ARL6IP6: variants seen among roughly 807,000 people sequenced by gnomAD.
ARL6IP6 encodes the protein ARF like GTPase 6 interacting protein 6.
ARL6IP6 carries 22 observed loss-of-function variants against 21.5 expected under a neutral mutation model. The ratio of observed to expected loss-of-function variants is 1.02; its 90% CI spans 0.73 to 1.46. ARL6IP6 has a LOEUF of 1.46. ARL6IP6 is among the 40% of genes most tolerant of loss of function. ARL6IP6 has a pLI of 0.00. For synonymous variants in ARL6IP6, 164 were observed against 125.3 expected, an observed-to-expected ratio of 1.31 and a Z score of -2.06; for missense variants, 388 against 299.8, an observed-to-expected ratio of 1.29 and a Z score of -2.17.
chr2:152,730,805 A>G (rs1700274119), intron 2 of ARL6IP6, among the ~76,000 whole-genome samples: 1 of 152,170 alleles, frequency 6.6e-6, no homozygotes, highest in African/African-American at 2.4e-5. Flanking sequence ...AGGCATCTGC[A>G]GGCTTGGCTC....
intron 2 of ARL6IP6, among the ~76,000 whole-genome samples, chr2:152,729,366 A>T (rs986469770): frequency 6.9e-5 from 10 of 145,400 alleles, no homozygotes; most frequent in African/African-American, 2.8e-4. Context: ...GTGTGTACAC[A>T]CATATATGCA....
intron 3 of ARL6IP6, among the ~76,000 whole-genome samples, chr2:152,736,016 C>T (rs937077281): frequency 5.3e-5 from 8 of 151,802 alleles, no homozygotes; most frequent in South Asian, 2.1e-4. Flanking sequence ...AATTTTGGCT[C>T]GACTTCAAAT....
rs956384101 is a variant in ARL6IP6 at position 152,761,171 on chromosome 2, A to G, written c.*1331A>G. 2.6e-5 allele frequency: 4 copies of G among 152,202 alleles called. No individual in the cohort carries two copies. Among genetic ancestry groups the G allele is most frequent in the Non-Finnish European group, 5.9e-5 (4 of 68,030 alleles). 9.4% of individuals were successfully genotyped at this position (152,202 alleles called of 1,614,324 possible). A position where few individuals can be genotyped will look rare whatever the true frequency, so the allele number is the denominator to read the frequency against. ...TGTTACCGACTAAACAAGGTTTCTA[A>G]AAGTCTCGCATTTCTTTTACTATTC... On this transcript the variant is annotated 3_prime_UTR_variant, in exon 4 of 4. Coordinates refer to ENST00000326446, the MANE Select transcript of ARL6IP6 (RefSeq NM_152522.7).
At chr2:152,724,130 G>T (rs200686105) in intron 2 of ARL6IP6, among the ~76,000 whole-genome samples, 1 of 97,412 alleles carries the variant, frequency 1.0e-5, no homozygotes, top group African/African-American at 2.8e-5. Context: ...AAAAAAAAGA[G>T]AGAAAGCCAA....
At chr2:152,736,460 C>T (rs1246588261) in intron 3 of ARL6IP6, among the ~76,000 whole-genome samples, 1 of 152,202 alleles carries the variant, frequency 6.6e-6, no homozygotes, top group Non-Finnish European at 1.5e-5. Context: ...TCAATATCCA[C>T]CCATTTCACT....
chr2:152,730,778 T>C (rs1175392274), intron 2 of ARL6IP6, among the ~76,000 whole-genome samples: 2 of 152,160 alleles, frequency 1.3e-5, no homozygotes, highest in South Asian at 4.1e-4. Flanking sequence ...GGTGTTTCTA[T>C]GCCAGGCTTA....
intron 2 of ARL6IP6, 145 bp from the exon 3 acceptor site, chr2:152,734,849 G>T (rs1163750288): frequency 1.3e-6 from 1 of 787,626 alleles, no homozygotes; most frequent in African/African-American, 1.7e-5. Flanking sequence ...AAGTTAGCTT[G>T]CAATAAGTTC....
At chr2:152,757,226 C>G (rs1369902757) in intron 3 of ARL6IP6, among the ~76,000 whole-genome samples, 1 of 152,124 alleles carries the variant, frequency 6.6e-6, no homozygotes, top group African/African-American at 2.4e-5. Context: ...ACCTCAAGAT[C>G]TGCAGGAGGT....
At chr2:152,743,780 T>G (rs1323135111) in intron 3 of ARL6IP6, among the ~76,000 whole-genome samples, 1 of 152,208 alleles carries the variant, frequency 6.6e-6, no homozygotes, top group Admixed American at 6.5e-5. Flanking sequence ...ATTGCAAGCT[T>G]ATGCTGATCA....
chr2:152,718,537 G>A (rs1056592974), upstream of ARL6IP6: 7 of 1,478,838 alleles, frequency 4.7e-6, no homozygotes, highest in Non-Finnish European at 5.4e-6. Context: ...TGGTGGTAGC[G>A]GCCACTGCCG....
intron 3 of ARL6IP6, among the ~76,000 whole-genome samples, chr2:152,759,284 T>TC (rs2105199147): frequency 6.6e-6 from 1 of 151,486 alleles, no homozygotes; most frequent in African/African-American, 2.4e-5. Context: ...CATAGGGAGT[T>TC]CCTTCATATA....
Position 152,720,513 on chromosome 2 carries a change from G to A in ARL6IP6, c.401-20G>A, listed in dbSNP as rs1699736528. The A allele has an allele frequency of 1.1e-5, 17 of 1,610,608 alleles. No individual in the cohort carries two copies. The highest frequency in any genetic ancestry group is 1.4e-5 in the Non-Finnish European group (17 of 1,176,952). On this transcript the variant is annotated intron_variant, in intron 1 of 3. Coordinates refer to ENST00000326446, the MANE Select transcript of ARL6IP6 (RefSeq NM_152522.7). The stretch of plus-strand genomic sequence containing the variant: ...ATTATAGTATTGCTTTCCTACCTAA[G>A]TCCCTCTTTGTATTTGCAGAGTTGC...
intron 2 of ARL6IP6, among the ~76,000 whole-genome samples, chr2:152,732,974 A>G (rs1373608447): frequency 6.6e-6 from 1 of 152,038 alleles, no homozygotes; most frequent in South Asian, 2.1e-4. Flanking sequence ...CTGACTGTAT[A>G]TAGTTGAAAT....
At chr2:152,721,758 G>A (rs551668150) in intron 2 of ARL6IP6, among the ~76,000 whole-genome samples, 21 of 152,234 alleles carry the variant, frequency 1.4e-4, no homozygotes, top group African/African-American at 4.6e-4. Context: ...TCACCCTTAT[G>A]GTGACACTAA....
At chr2:152,742,993 A>G (rs1433160744) in intron 3 of ARL6IP6, among the ~76,000 whole-genome samples, 1 of 152,220 alleles carries the variant, frequency 6.6e-6, no homozygotes, top group Non-Finnish European at 1.5e-5. Flanking sequence ...ATTCATCATC[A>G]ATAGGAGGAA....
Position 152,761,695 on chromosome 2 carries a change from T to TA in ARL6IP6, c.*1856dup, listed in dbSNP as rs1258660208. ...GATACACAAATATTTACCATTGTGTTACAGTTGCCTGCAATATTCAGTACA... is the reference window on the plus strand; with the variant it reads ...GATACACAAATATTTACCATTGTGTTAACAGTTGCCTGCAATATTCAGTACA... On this transcript the variant is annotated 3_prime_UTR_variant, in exon 4 of 4. Transcript: ENST00000326446. Among the ~76,000 whole-genome samples the TA allele has an allele frequency of 2.6e-5, 4 of 152,200 alleles. No individual in the cohort carries two copies. Among genetic ancestry groups the TA allele is most frequent in the African/African-American group, 9.6e-5 (4 of 41,460 alleles).
At chr2:152,754,398 A>C (rs1053885104) in intron 3 of ARL6IP6, among the ~76,000 whole-genome samples, 1 of 152,174 alleles carries the variant, frequency 6.6e-6, no homozygotes, top group African/African-American at 2.4e-5. Context: ...GGCATATGTC[A>C]GTACTTCATT....
At position 152,761,503 on chromosome 2, in the gene ARL6IP6, A is replaced by G. The variant is rs1701843081; in HGVS notation, c.*1663A>G. On this transcript the variant is annotated 3_prime_UTR_variant, in exon 4 of 4. Transcript: ENST00000326446. ...AACTCCCTCCAGATTGTTTGTGTCT[A>G]ATGACTAGGAAAGTTATTAACAGTA... is the stretch of plus-strand genomic sequence containing the variant. Among the ~76,000 whole-genome samples the G allele has an allele frequency of 1.3e-5, 2 of 152,170 alleles. No homozygotes were observed. The highest frequency in any genetic ancestry group is 1.3e-4 in the Admixed American group (2 of 15,262).
At chr2:152,753,699 C>CT (rs138584533) in intron 3 of ARL6IP6, among the ~76,000 whole-genome samples, 34 of 107,350 alleles carry the variant, frequency 3.2e-4, no homozygotes, top group African/African-American at 9.4e-4. Context: ...TTCAGGTCCT[C>CT]TTTTTTTTTT....
Sources: allele counts gnomAD v4.1 joint callset (sites outside exome capture counted in the v4.1 genomes callset), GRCh38; gene constraint gnomAD v4.1.1; transcripts MANE v1.5; gene names NCBI Gene and HGNC (gene_info 2026-07-23, HGNC 2026-07-21).